Variants in TTLL11 observed in about 807,000 individuals in gnomAD.
TTLL11 encodes tubulin polyglutamylase TTLL11.
TTLL11 carries 42 observed loss-of-function variants against 51.7 expected under a neutral mutation model. That is an observed-to-expected ratio of 0.81 (90% CI 0.64 to 1.05). The LOEUF (loss-of-function observed/expected upper bound fraction) is 1.05. TTLL11 is among the 50% of genes least tolerant of loss of function. The probability of loss-of-function intolerance (pLI) is 0.00; values close to 1 mark genes in which losing one functional copy is unlikely to be tolerated. For synonymous variants in TTLL11, 381 were observed against 383.5 expected (o/e 0.99, Z 0.08); for missense variants, 799 against 940.4 (o/e 0.85, Z 1.97).
chr9:122,025,954 G>A (rs1844320240), intron 3 of TTLL11, among the ~76,000 whole-genome samples: 1 of 152,072 alleles, frequency 6.6e-6, no homozygotes, highest in Admixed American at 6.6e-5. Flanking sequence ...ATACTCCTTG[G>A]CAATGAAGTA....
intron 2 of TTLL11, among the ~76,000 whole-genome samples, chr9:122,034,523 G>A (rs978053415): frequency 1.3e-4 from 20 of 152,172 alleles, no homozygotes; most frequent in African/African-American, 4.1e-4. Flanking sequence ...CAGGAGGGAC[G>A]GGTGTAGACT....
chr9:121,840,155 G>A (rs940647644), intron 8 of TTLL11, among the ~76,000 whole-genome samples: 3 of 152,160 alleles, frequency 2.0e-5, no homozygotes, highest in South Asian at 2.1e-4. Context: ...ATTAGTGCAC[G>A]AAAATGTTTC....
intron 3 of TTLL11, among the ~76,000 whole-genome samples, chr9:122,007,098 A>G (rs1233179811): frequency 3.3e-5 from 5 of 151,198 alleles, no homozygotes; most frequent in African/African-American, 1.2e-4. Context: ...ATTTCATTTC[A>G]GGATACTAAA....
chr9:122,064,834 T>C (rs1845532606), intron 1 of TTLL11, among the ~76,000 whole-genome samples: 1 of 152,168 alleles, frequency 6.6e-6, no homozygotes, highest in African/African-American at 2.4e-5. Context: ...GCAGAGGAAA[T>C]GGCACACAGA....
intron 1 of TTLL11, among the ~76,000 whole-genome samples, chr9:122,092,045 G>C (rs1846271809): frequency 6.6e-6 from 1 of 152,210 alleles, no homozygotes; most frequent in South Asian, 2.1e-4. Flanking sequence ...TGGAAGAAGA[G>C]AGAAAGGAGA....
At chr9:121,942,985 A>C (rs2131585050) in intron 6 of TTLL11, among the ~76,000 whole-genome samples, 1 of 152,260 alleles carries the variant, frequency 6.6e-6, no homozygotes, top group East Asian at 1.9e-4. Flanking sequence ...GGGATGGCGT[A>C]CAGTAGACCC....
chr9:121,919,894 A>G (rs1316846549), intron 6 of TTLL11, among the ~76,000 whole-genome samples: 1 of 151,886 alleles, frequency 6.6e-6, no homozygotes, highest in East Asian at 1.9e-4. Context: ...TATTAACACT[A>G]ACAGTGATGA....
At chr9:121,947,931 G>A (rs911918084) in intron 6 of TTLL11, among the ~76,000 whole-genome samples, 26 of 152,292 alleles carry the variant, frequency 1.7e-4, no homozygotes, top group Non-Finnish European at 3.4e-4. Flanking sequence ...TGCTGGTGCC[G>A]TGCTTTTGGA....
chr9:122,089,004 G>A (rs1227913894), intron 1 of TTLL11, among the ~76,000 whole-genome samples: 7 of 125,014 alleles, frequency 5.6e-5, no homozygotes, highest in Admixed American at 4.4e-4. Flanking sequence ...ATGACAGAAC[G>A]ACACCCTGTC....
intron 6 of TTLL11, among the ~76,000 whole-genome samples, chr9:121,906,262 C>G (rs1002857853): frequency 1.3e-5 from 2 of 152,054 alleles, no homozygotes; most frequent in Non-Finnish European, 2.9e-5. Flanking sequence ...GAATTGGAAA[C>G]AGTGAACTCT....
chr9:122,023,529 T>C (rs1193931008), intron 3 of TTLL11, among the ~76,000 whole-genome samples: 1 of 151,904 alleles, frequency 6.6e-6, no homozygotes, highest in Non-Finnish European at 1.5e-5. Context: ...CTCATGAATA[T>C]AGATGCAAAT....
At chr9:122,066,916 G>A (rs988977929) in intron 1 of TTLL11, among the ~76,000 whole-genome samples, 6 of 152,062 alleles carry the variant, frequency 3.9e-5, no homozygotes, top group Non-Finnish European at 8.8e-5. Context: ...AAGCAAAAGG[G>A]GAAGAGACCC....
At chr9:121,842,951 G>A (rs1194564395) in intron 8 of TTLL11, among the ~76,000 whole-genome samples, 1 of 152,152 alleles carries the variant, frequency 6.6e-6, no homozygotes. Flanking sequence ...GTAACCTGGA[G>A]TACAGAGCTT....
chr9:122,052,906 G>C (rs1268547180), intron 1 of TTLL11, among the ~76,000 whole-genome samples: 7 of 152,176 alleles, frequency 4.6e-5, no homozygotes, highest in African/African-American at 1.7e-4. Flanking sequence ...CCCTCACAGG[G>C]GATGTTGTAA....
At chr9:121,889,288 C>T (rs964002136) in intron 6 of TTLL11, among the ~76,000 whole-genome samples, 3 of 151,992 alleles carry the variant, frequency 2.0e-5, no homozygotes, top group African/African-American at 4.8e-5. Context: ...TGGAGGTGCA[C>T]GAGGAGCTCT....
At chr9:121,986,666 CA>C (rs1212044484) in intron 4 of TTLL11, among the ~76,000 whole-genome samples, 1 of 152,050 alleles carries the variant, frequency 6.6e-6, no homozygotes, top group East Asian at 1.9e-4. Context: ...AATAGCCCTC[CA>C]AAAGGTGCCG....
intron 8 of TTLL11, among the ~76,000 whole-genome samples, chr9:121,851,571 C>A (rs1278297295): frequency 6.6e-6 from 1 of 152,196 alleles, no homozygotes; most frequent in African/African-American, 2.4e-5. Flanking sequence ...TGGCGTCAAT[C>A]ACCGGCAGTT....
In TTLL11 at chr9:121,822,429, G is replaced by C. The variant is rs1252684328; in HGVS notation, c.*158C>G. On this transcript the variant is annotated 3_prime_UTR_variant, in exon 9 of 9. Coordinates refer to ENST00000321582, the MANE Select transcript of TTLL11 (RefSeq NM_001139442.2). The surrounding 1 kb of genome is among the most constrained non-coding windows in gnomAD (Gnocchi z 5.8). ...AGGCAGGTGAGAACCAGCCAGCCTGGTGAAGCACAGCTCAGCCGCACACAG... is the reference window on the plus strand; with the variant it reads ...AGGCAGGTGAGAACCAGCCAGCCTGCTGAAGCACAGCTCAGCCGCACACAG... 4 of 631,398 alleles carry C rather than the reference G, an allele frequency of 6.3e-6. No homozygotes were observed. The highest frequency in any genetic ancestry group is 9.9e-6 in the Non-Finnish European group (4 of 403,302). 39.1% of individuals were successfully genotyped at this position (631,398 alleles called of 1,614,324 possible). A position where few individuals can be genotyped will look rare whatever the true frequency, so the allele number is the denominator to read the frequency against.
At chr9:121,872,022 C>T (rs1225032855) in intron 6 of TTLL11, among the ~76,000 whole-genome samples, 1 of 152,210 alleles carries the variant, frequency 6.6e-6, no homozygotes, top group Admixed American at 6.5e-5. Flanking sequence ...TAAATGCTGC[C>T]TGGTTGACTA....
Sources: gnomAD v4.1 joint callset for allele counts (sites outside exome capture counted in the v4.1 genomes callset) on GRCh38, gnomAD v4.1.1 for gene constraint, Gnocchi (gnomAD v3.1) non-coding constraint, MANE v1.5 for transcripts, NCBI Gene and HGNC (gene_info 2026-07-23, HGNC 2026-07-21) for gene names.